EPHA6: variants seen among roughly 807,000 people sequenced by gnomAD.
EPHA6 encodes EPH receptor A6.
In EPHA6, 50 loss-of-function variants were observed where a neutral mutation model predicts 112.0. The ratio of observed to expected loss-of-function variants is 0.45; its 90% confidence interval spans 0.36 to 0.56. EPHA6 has a LOEUF of 0.56. EPHA6 is among the 20% of genes least tolerant of loss of function. The probability of loss-of-function intolerance (pLI) is 0.00; values close to 1 mark genes in which losing one functional copy is unlikely to be tolerated. For synonymous variants in EPHA6, 529 were observed against 490.7 expected (o/e 1.08, Z -1.03); for missense variants, 1,280 against 1,417.4 (o/e 0.90, Z 1.56).
chr3:97,210,046 T>C (rs2077824700), intron 3 of EPHA6, among the ~76,000 whole-genome samples: 1 of 152,164 alleles, frequency 6.6e-6, no homozygotes, highest in South Asian at 2.1e-4. Context: ...AAAAGAAATA[T>C]GGTTAATATA....
intron 10 of EPHA6, among the ~76,000 whole-genome samples, chr3:97,489,204 C>G (rs2107515574): frequency 6.6e-6 from 1 of 152,286 alleles, no homozygotes; most frequent in Non-Finnish European, 1.5e-5. Context: ...ACACTTATTG[C>G]CCAACCCTCA....
In EPHA6 at chr3:97,751,276, G is replaced by C. The variant is rs566580198; in HGVS notation, c.*2575G>C. The stretch of plus-strand genomic sequence containing the variant: ...AAGAATTCTTTCTTTTAAAATGTCT[G>C]ATGATCCTATTCTACATCTGGTTAA... On this transcript the variant is annotated 3_prime_UTR_variant, in exon 18 of 18. Transcript: ENST00000389672. Among the ~76,000 whole-genome samples, 1 of 152,038 alleles carries C rather than the reference G, an allele frequency of 6.6e-6. No individual in the cohort carries two copies. The highest frequency in any genetic ancestry group is 1.5e-5 in the Non-Finnish European group (1 of 67,964).
chr3:97,519,188 G>T (rs1402219380), intron 10 of EPHA6, among the ~76,000 whole-genome samples: 3 of 152,068 alleles, frequency 2.0e-5, no homozygotes, highest in Non-Finnish European at 4.4e-5. Flanking sequence ...TGAGAGATAG[G>T]GGTCCAATTT....
At chr3:97,217,048 A>C (rs1412802798) in intron 3 of EPHA6, among the ~76,000 whole-genome samples, 2 of 152,202 alleles carry the variant, frequency 1.3e-5, no homozygotes, top group African/African-American at 2.4e-5. Flanking sequence ...TAATTAAAAG[A>C]GGAAAGCCCT....
At chr3:97,332,330 C>A (rs947340323) in intron 5 of EPHA6, among the ~76,000 whole-genome samples, 29 of 151,964 alleles carry the variant, frequency 1.9e-4, no homozygotes, top group African/African-American at 6.8e-4. Flanking sequence ...TGGAAGCATT[C>A]CCTTTGAAAA....
chr3:97,579,189 T>C (rs1001078906), intron 11 of EPHA6, among the ~76,000 whole-genome samples: 1 of 152,244 alleles, frequency 6.6e-6, no homozygotes, highest in Admixed American at 6.5e-5. Context: ...TGCTTTTTTC[T>C]TTCTTGAAAG....
At chr3:97,577,066 G>C (rs549121220) in intron 11 of EPHA6, among the ~76,000 whole-genome samples, 1 of 152,182 alleles carries the variant, frequency 6.6e-6, no homozygotes, top group Non-Finnish European at 1.5e-5. Context: ...TCCCAGGCTG[G>C]AGTGCAGTGG....
At chr3:96,956,104 TA>T (rs78098133) in intron 2 of EPHA6, among the ~76,000 whole-genome samples, 34,268 of 152,142 alleles carry the variant, frequency 0.23, 4,828 homozygotes, top group East Asian at 0.39. Context: ...TGTTGCAGTG[TA>T]AAAAGAACAT....
chr3:97,538,150 C>G (rs1341632173), intron 11 of EPHA6, among the ~76,000 whole-genome samples: 7 of 152,100 alleles, frequency 4.6e-5, no homozygotes, highest in Admixed American at 6.5e-5. Flanking sequence ...AAAGGAGAAA[C>G]TAGGGGCAGA....
intron 3 of EPHA6, among the ~76,000 whole-genome samples, chr3:97,207,420 A>G (rs2077743243): frequency 6.6e-6 from 1 of 152,176 alleles, no homozygotes; most frequent in Non-Finnish European, 1.5e-5. Context: ...ACTGCAAAAC[A>G]ATCAAATACT....
intron 3 of EPHA6, among the ~76,000 whole-genome samples, chr3:97,146,605 A>G (rs1405047529): frequency 6.6e-6 from 1 of 152,024 alleles, no homozygotes; most frequent in African/African-American, 2.4e-5. Context: ...ACTCACACCA[A>G]TAGCTACCTT....
intron 14 of EPHA6, among the ~76,000 whole-genome samples, chr3:97,699,982 A>G (rs2033279891): frequency 6.6e-6 from 1 of 152,214 alleles, no homozygotes; most frequent in Admixed American, 6.5e-5. Flanking sequence ...ATGATGCTTT[A>G]TTTTGGAAGT....
At chr3:96,900,629 C>T (rs1183703299) in intron 2 of EPHA6, among the ~76,000 whole-genome samples, 2 of 152,242 alleles carry the variant, frequency 1.3e-5, no homozygotes, top group East Asian at 3.9e-4. Context: ...TGGAAAGAGA[C>T]GTTTGATTTT....
At chr3:96,817,630 C>A (rs2107198923) in intron 1 of EPHA6, among the ~76,000 whole-genome samples, 1 of 151,880 alleles carries the variant, frequency 6.6e-6, no homozygotes, top group East Asian at 1.9e-4. Context: ...GGTAAAATTA[C>A]ATTTATATGT....
rs576930599 is a variant in EPHA6, at chr3:97,423,482, G to A, written c.1731+18208G>A. Among the ~76,000 whole-genome samples, 4 of 152,010 alleles carry A rather than the reference G, an allele frequency of 2.6e-5. No homozygotes were observed. In the South Asian group the frequency reaches 6.2e-4, roughly 24 times the overall value. ...ATCTCTACAATGATAAATATAAAAC[G>A]CTGCTCAAAAAAATTACAGACAACA... On this transcript the variant is annotated intron_variant, in intron 6 of 17. Coordinates refer to ENST00000389672, the MANE Select transcript of EPHA6 (RefSeq NM_001080448.3).
chr3:97,137,590 C>A (rs960482584), intron 3 of EPHA6, among the ~76,000 whole-genome samples: 1 of 152,008 alleles, frequency 6.6e-6, no homozygotes, highest in Non-Finnish European at 1.5e-5. Flanking sequence ...TTCTTTAGAC[C>A]ATCAAGTAAT....
intron 11 of EPHA6, among the ~76,000 whole-genome samples, chr3:97,589,258 AAAG>A (rs1445735841): frequency 1.6e-3 from 241 of 152,042 alleles, no homozygotes; most frequent in Middle Eastern, 3.4e-3. Flanking sequence ...ATAGTAGCCA[AAAG>A]ATTGGACACC....
intron 3 of EPHA6, among the ~76,000 whole-genome samples, chr3:97,016,124 T>C (rs929460903): frequency 7.2e-5 from 11 of 152,064 alleles, no homozygotes; most frequent in African/African-American, 2.4e-4. Flanking sequence ...ATTGAAGATA[T>C]GTGTCTTACC....
At chr3:96,917,705 CAAAGAA>C (rs2039557887) in intron 2 of EPHA6, among the ~76,000 whole-genome samples, 1 of 151,610 alleles carries the variant, frequency 6.6e-6, no homozygotes, top group Non-Finnish European at 1.5e-5. Flanking sequence ...GAAGCAAAGG[CAAAGAA>C]TCCACCCAAC....
Sources: gnomAD v4.1 joint callset for allele counts (sites outside exome capture counted in the v4.1 genomes callset) on GRCh38, gnomAD v4.1.1 for gene constraint, MANE v1.5 for transcripts, NCBI Gene and HGNC (gene_info 2026-07-23, HGNC 2026-07-21) for gene names.